ADRM1: variants seen among roughly 807,000 people sequenced by gnomAD.
The protein encoded by ADRM1 is ADRM1 26S proteasome ubiquitin receptor, also known as proteasomal ubiquitin receptor ADRM1.
ADRM1 carries 2 observed loss-of-function variants against 40.1 expected under a neutral mutation model. The ratio of observed to expected loss-of-function variants is 0.05; its 90% CI spans 0.02 to 0.16. ADRM1 has a LOEUF of 0.16. Among genes scored for constraint, ADRM1 ranks in the 10% least tolerant of loss-of-function variants. ADRM1 has a pLI of 1.00. For missense variants in ADRM1, 467 were observed against 552.5 expected (o/e 0.85, Z 1.55); for synonymous variants, 287 against 240.4 (o/e 1.19, Z -1.79).
rs563992869 is a variant in ADRM1, at chr20:62,308,827, C to CTGAT, written c.*68_*71dup. The CTGAT allele has an allele frequency of 1.5e-4, 228 of 1,570,232 alleles. No individual in the cohort carries two copies. Among genetic ancestry groups the CTGAT allele is most frequent in the South Asian group, 7.5e-4 (64 of 85,400 alleles). On this transcript the variant is annotated 3_prime_UTR_variant, in exon 10 of 10. Coordinates refer to ENST00000253003, the MANE Select transcript of ADRM1 (RefSeq NM_007002.4). Reference sequence around the variant, plus strand: ...GTTGCACACCCTCACCTCCCACCCACTGATTATTAATAAAGTCTTTTCTTT... The same window carrying CTGAT: ...GTTGCACACCCTCACCTCCCACCCACTGATTGATTATTAATAAAGTCTTTTCTTT...
chr20:62,303,978 T>G (rs754548404), intron 2 of ADRM1, among the ~76,000 whole-genome samples, 197 bp downstream of exon 2: 2 of 152,018 alleles, frequency 1.3e-5, no homozygotes, highest in Admixed American at 6.5e-5. Flanking sequence ...GAACTGTCCG[T>G]GTGAGGTGCC....
At chr20:62,306,341 G>T (rs202007765) in intron 4 of ADRM1, 21 bp downstream of exon 4, 23 of 1,612,434 alleles carry the variant, frequency 1.4e-5, no homozygotes, top group African/African-American at 4.0e-5. Context: ...CATGTGTCAC[G>T]TGAGCTCAGG....
Position 62,306,484 on chromosome 20 carries a change from C to T in ADRM1, c.454+164C>T, listed in dbSNP as rs561338907. On this transcript the variant is annotated intron_variant, in intron 4 of 9. Transcript: ENST00000253003. ...GGGTCACTCCCCACTCCCACCTTCA[C>T]GGGGTAGGACGGGTCTGCATCCCAC... 2.8e-5 allele frequency: 37 copies of T among 1,299,884 alleles called. No individual in the cohort carries two copies. In the East Asian group the frequency reaches 4.5e-4, roughly 16 times the overall value. The allele number at this position is 1,299,884 out of a possible 1,614,324, so 80.5% of individuals were successfully genotyped here.
At chr20:62,307,953 T>C (rs1985377869) in intron 7 of ADRM1, 68 bp from the exon 8 acceptor site, 2 of 1,567,742 alleles carry the variant, frequency 1.3e-6, no homozygotes, top group East Asian at 2.3e-5. Flanking sequence ...GCTGAGTCCC[T>C]GCTTGCATGC....
chr20:62,307,145 C>A (rs1205978051), intron 5 of ADRM1, among the ~76,000 whole-genome samples: 1 of 152,202 alleles, frequency 6.6e-6, no homozygotes, highest in East Asian at 1.9e-4. Context: ...CTAATCTAAG[C>A]ACATGAATTG....
Position 62,307,395 on chromosome 20 carries a change from C to T in ADRM1, c.566C>T (p.Pro189Leu). Residue 189 changes from proline to leucine, a missense_variant, in exon 6 of 10, where the codon CCT becomes CTT. Pro to Leu is a moderately conservative substitution (Grantham distance 98). Around this residue, in one of 3 missense-constraint regions of ADRM1, gnomAD observed 418 missense variants for 474.6 expected, o/e 0.88. Coordinates refer to ENST00000253003, the MANE Select transcript of ADRM1 (RefSeq NM_007002.4). Reference protein sequence around the residue: ...GLGGLGALTGPGLASLLGSSG... With the variant: ...GLGGLGALTGLGLASLLGSSG... ...GGTGGGCTGGGGGCCCTGACTGGAC[C>T]TGGCCTGGCCAGCTTACTGGGGAGC... The T allele has an allele frequency of 6.2e-7, 1 of 1,602,602 alleles. No individual in the cohort carries two copies. The highest frequency in any genetic ancestry group is 8.5e-7 in the Non-Finnish European group (1 of 1,177,176).
intron 1 of ADRM1, 161 bp from the exon 2 acceptor site, chr20:62,303,406 CG>C: frequency 1.4e-6 from 1 of 697,572 alleles, no homozygotes. Flanking sequence ...GTGCGATCGT[CG>C]TGAGCGGGGC....
intron 1 of ADRM1, 109 bp from the exon 2 acceptor site, chr20:62,303,459 G>A: frequency 8.8e-7 from 1 of 1,140,344 alleles, no homozygotes; most frequent in Non-Finnish European, 1.2e-6. Flanking sequence ...TCTGCCTTAG[G>A]CAGCTCTGGG....
intron 3 of ADRM1, chr20:62,305,953 A>AGGGGGACAGGGCACACCCG: frequency 3.9e-6 from 2 of 506,582 alleles, no homozygotes; most frequent in South Asian, 4.6e-5. Context: ...AAATGGGCGG[A>AGGGGGACAGGGCACACCCG]GGGGGACAGG....
Position 62,307,715 on chromosome 20 carries a change from C to T in ADRM1, c.743C>T (p.Ser248Phe), listed in dbSNP as rs1424400920. 6.2e-7 allele frequency: 1 copy of T among 1,612,202 alleles called. No homozygotes were observed. The highest frequency in any genetic ancestry group is 8.5e-7 in the Non-Finnish European group (1 of 1,179,842). The change falls in exon 7 of 10, where the codon TCC becomes TTC. Residue 248 changes from serine to phenylalanine, a missense_variant. By Grantham distance (155) the Ser-to-Phe change is radical. Coordinates refer to ENST00000253003, the MANE Select transcript of ADRM1 (RefSeq NM_007002.4). ...SATSPSPAPS[S>F]GNGASTAASP... Reference sequence around the variant, plus strand: ...ACTAGCCCGAGCCCCGCGCCCAGTTCCGGGAATGGAGCCAGCACAGCAGCC... The same window carrying T: ...ACTAGCCCGAGCCCCGCGCCCAGTTTCGGGAATGGAGCCAGCACAGCAGCC...
chr20:62,306,333 T>C lies in ADRM1; in HGVS notation c.454+13T>C. On this transcript the variant is annotated intron_variant, in intron 4 of 9. Transcript: ENST00000253003. ...TCTGCGCTAGGCGGTAACTGTCACA[T>C]GTGTCACGTGAGCTCAGGGTTTCCT... is the stretch of plus-strand genomic sequence containing the variant. The C allele has an allele frequency of 6.2e-7, 1 of 1,612,512 alleles. No homozygotes were observed. Among genetic ancestry groups the C allele is most frequent in the Non-Finnish European group, 8.5e-7 (1 of 1,179,768 alleles).
At position 62,305,316 on chromosome 20, in the gene ADRM1, G is replaced by A. The variant is rs187240134; in HGVS notation, c.330+739G>A. 14 of 152,868 alleles carry A rather than the reference G, an allele frequency of 9.2e-5. 1 individual carries two copies. Among genetic ancestry groups the A allele is most frequent in the Non-Finnish European group, 8.8e-5 (6 of 68,510 alleles). 9.5% of individuals were successfully genotyped at this position (152,868 alleles called of 1,614,324 possible). On this transcript the variant is annotated intron_variant, in intron 3 of 9. Transcript: ENST00000253003. ...CTGCTGTCCCCACCCCACCCCCCTT[G>A]GCACTTTCAAGAGCAGGGGTGGCCC...
chr20:62,308,785 C>T lies in ADRM1; in HGVS notation c.*24C>T, dbSNP rs748472053. Reference sequence around the variant, plus strand: ...GAGCCACGCGCCGTCCTCCGAGGAACTGGGCGCTTGCAGTGCGTTGCACAC... The same window carrying T: ...GAGCCACGCGCCGTCCTCCGAGGAATTGGGCGCTTGCAGTGCGTTGCACAC... On this transcript the variant is annotated 3_prime_UTR_variant, in exon 10 of 10. Transcript: ENST00000253003. The T allele has an allele frequency of 6.2e-7, 1 of 1,611,642 alleles. No individual in the cohort carries two copies. The highest frequency in any genetic ancestry group is 1.1e-5 in the South Asian group (1 of 90,928).
Position 62,303,307 on chromosome 20 carries a change from G to A in ADRM1, c.-2+258G>A, listed in dbSNP as rs59952883. On this transcript the variant is annotated intron_variant, in intron 1 of 9. Coordinates refer to ENST00000253003, the MANE Select transcript of ADRM1 (RefSeq NM_007002.4). The stretch of plus-strand genomic sequence containing the variant: ...GCGGGTCGCCGGGGTGGCGCGTCGA[G>A]GCTGGTGCCCCGCGGAGACGGCGTC... 7.0e-3 allele frequency: 2,273 copies of A among 324,624 alleles called. 57 individuals carry two copies. The highest frequency in any genetic ancestry group is 0.044 in the African/African-American group (2,044 of 46,696). 20.1% of individuals were successfully genotyped at this position (324,624 alleles called of 1,614,324 possible).
chr20:62,308,790 C>A lies in ADRM1; in HGVS notation c.*29C>A, dbSNP rs773749359. ...ACGCGCCGTCCTCCGAGGAACTGGG[C>A]GCTTGCAGTGCGTTGCACACCCTCA... On this transcript the variant is annotated 3_prime_UTR_variant, in exon 10 of 10. Coordinates refer to ENST00000253003, the MANE Select transcript of ADRM1 (RefSeq NM_007002.4). 6 of 1,610,982 alleles carry A rather than the reference C, an allele frequency of 3.7e-6. No homozygotes were observed. The highest frequency in any genetic ancestry group is 5.1e-6 in the Non-Finnish European group (6 of 1,179,148).
chr20:62,304,698 C>T (rs954842317), intron 3 of ADRM1, 121 bp downstream of exon 3: 5 of 959,446 alleles, frequency 5.2e-6, no homozygotes, highest in East Asian at 2.5e-5. Flanking sequence ...CCCGGCCACA[C>T]GGCCTGAGAT....
Position 62,306,717 on chromosome 20 carries a change from C to T in ADRM1, c.524C>T (p.Ala175Val). The change falls in exon 5 of 10, where the codon GCC becomes GTC. Residue 175 changes from alanine (A) to valine (V), a missense_variant. This residue lies in a region of ADRM1 where 418 missense variants were observed against 474.6 expected (regional missense o/e 0.88). Transcript: ENST00000253003. ...CAGCTCATGCAGCTCATCGGACCAG[C>T]CGGCCTTGGAGGACTGGGTAACGTG... ...HSQLMQLIGP[A>V]GLGGLGGLGA... The T allele has an allele frequency of 6.2e-7, 1 of 1,608,698 alleles. No homozygotes were observed. The highest frequency in any genetic ancestry group is 1.3e-5 in the African/African-American group (1 of 75,014).
Position 62,304,446 on chromosome 20 carries a change from C to A in ADRM1, c.214-15C>A. 6.2e-7 allele frequency: 1 copy of A among 1,605,528 alleles called. No homozygotes were observed. Among genetic ancestry groups the A allele is most frequent in the Non-Finnish European group, 8.5e-7 (1 of 1,172,844 alleles). On this transcript the variant is annotated splice_polypyrimidine_tract_variant and intron_variant, in intron 2 of 9. Transcript: ENST00000253003. ...CCATCTGCGCCACTGACTCTCTCTTCCCCTGGCTTGCCAGGACTTGATCAT... is the reference window on the plus strand; with the variant it reads ...CCATCTGCGCCACTGACTCTCTCTTACCCTGGCTTGCCAGGACTTGATCAT...
At chr20:62,305,527 A>G (rs1984786697) in intron 3 of ADRM1, 1 of 152,204 alleles carries the variant, frequency 6.6e-6, no homozygotes, top group African/African-American at 2.4e-5. Context: ...TTGCCAAGAA[A>G]TAGTGTCCAA....
Sources: gnomAD v4.1 joint callset for allele counts (sites outside exome capture counted in the v4.1 genomes callset) on GRCh38, gnomAD v4.1.1 for gene constraint, gnomAD v4.1.1 regional missense constraint, MANE v1.5 for transcripts, NCBI Gene and HGNC (gene_info 2026-07-23, HGNC 2026-07-21) for gene names.